Variants in WASHC5 observed in about 807,000 individuals in gnomAD.
WASHC5 encodes WASH complex subunit strumpellin.
Under a neutral mutation model 150.4 loss-of-function variants are expected in WASHC5, and 101 were observed. The observed-to-expected ratio is 0.67, with a 90% CI of 0.57 to 0.79. The LOEUF (loss-of-function observed/expected upper bound fraction) is 0.79, where lower values mean the gene tolerates loss of function less well. Among genes scored for constraint, WASHC5 ranks in the 30% least tolerant of loss-of-function variants. The pLI, the probability that WASHC5 is intolerant of heterozygous loss-of-function variation, is 0.00. For missense variants in WASHC5, 1,195 were observed against 1,396.3 expected, an observed-to-expected ratio of 0.86 and a Z score of 2.30; for synonymous variants, 467 against 491.2, an observed-to-expected ratio of 0.95 and a Z score of 0.65.
chr8:125,078,191 C>T (rs1447390394), intron 6 of WASHC5, among the ~76,000 whole-genome samples: 2 of 152,174 alleles, frequency 1.3e-5, no homozygotes, highest in Middle Eastern at 3.4e-3. Flanking sequence ...GGGAGTGGGG[C>T]GATTTTCAAA....
chr8:125,029,295 A>G (rs1563606182), intron 27 of WASHC5, among the ~76,000 whole-genome samples: 1 of 152,154 alleles, frequency 6.6e-6, no homozygotes, highest in African/African-American at 2.4e-5. Flanking sequence ...GGCCTCCCAA[A>G]GTGTTGGGAT....
At chr8:125,081,801 A>G in intron 4 of WASHC5, 40 bp from the exon 5 acceptor site, 1 of 1,162,794 alleles carries the variant, frequency 8.6e-7, no homozygotes, top group Non-Finnish European at 1.3e-6. Context: ...TCACTAGATT[A>G]TACATTCTTA....
Position 125,038,827 on chromosome 8 carries a change from C to G in WASHC5, c.3084+3G>C. 6.2e-7 allele frequency: 1 copy of G among 1,613,774 alleles called. No homozygotes were observed. Among genetic ancestry groups the G allele is most frequent in the Non-Finnish European group, 8.5e-7 (1 of 1,179,764 alleles). On this transcript the variant is annotated splice_donor_region_variant and intron_variant, in intron 25 of 28. Coordinates refer to ENST00000318410, the MANE Select transcript of WASHC5 (RefSeq NM_014846.4). ...CCCGCCATTATATATTTTAATTACT[C>G]ACCTTATTCAGTGGGTTGTGAATGC...
chr8:125,030,030 A>ATTCAGCGG (rs1360224293), intron 27 of WASHC5, among the ~76,000 whole-genome samples: 8 of 152,172 alleles, frequency 5.3e-5, no homozygotes, highest in Non-Finnish European at 1.2e-4. Context: ...AGAAAGCCTG[A>ATTCAGCGG]CTTACAGCTG....
chr8:125,031,008 G>A (rs1201490280), intron 27 of WASHC5, among the ~76,000 whole-genome samples: 1 of 152,158 alleles, frequency 6.6e-6, no homozygotes, highest in East Asian at 1.9e-4. Flanking sequence ...AAAGCTCAGC[G>A]AGTGAAACAT....
intron 20 of WASHC5, among the ~76,000 whole-genome samples, chr8:125,046,951 G>A (rs929005239): frequency 3.9e-5 from 6 of 152,198 alleles, no homozygotes; most frequent in African/African-American, 1.4e-4. Flanking sequence ...CCACTGATCT[G>A]ACAGGAAGTG....
rs111748627 is a variant in WASHC5 at position 125,044,464 on chromosome 8, C to T, written c.2667+72G>A. The T allele has an allele frequency of 3.5e-4, 529 of 1,529,394 alleles. 1 individual carries two copies. In the African/African-American group the frequency reaches 6.1e-3, roughly 18 times the overall value. The allele number at this position is 1,529,394 out of a possible 1,614,324, so 94.7% of individuals were successfully genotyped here. A position where few individuals can be genotyped will look rare whatever the true frequency, so the allele number is the denominator to read the frequency against. On this transcript the variant is annotated intron_variant, in intron 21 of 28. Coordinates refer to ENST00000318410, the MANE Select transcript of WASHC5 (RefSeq NM_014846.4). The stretch of plus-strand genomic sequence containing the variant: ...GGAAGAAAGGTTAAGTGAGTTCAAA[C>T]TGCCCACTAAAATATGTTCTTGCCT...
chr8:125,078,666 G>A (rs1422530130), intron 6 of WASHC5, 72 bp downstream of exon 6: 2 of 1,208,976 alleles, frequency 1.7e-6, no homozygotes, highest in East Asian at 2.4e-5. Flanking sequence ...GGAAGGAAAG[G>A]AGTAATTAAA....
Position 125,029,088 on chromosome 8 carries a change from G to A in WASHC5, c.3336-381C>T, listed in dbSNP as rs1350525592. ...ACTCTTGTAGCCAGGCTGGAGTGCA[G>A]TGGTATGATCTCGGCTCACTGCAAC... On this transcript the variant is annotated intron_variant, in intron 27 of 28. Coordinates refer to ENST00000318410, the MANE Select transcript of WASHC5 (RefSeq NM_014846.4). 2.7e-5 allele frequency among the ~76,000 whole-genome samples: 4 copies of A among 150,118 alleles called. No individual in the cohort carries two copies. In the East Asian group the frequency reaches 7.9e-4, roughly 29 times the overall value.
chr8:125,069,815 A>C (rs1816850063), intron 9 of WASHC5, among the ~76,000 whole-genome samples: 1 of 152,232 alleles, frequency 6.6e-6, no homozygotes, highest in Admixed American at 6.5e-5. Context: ...TTACCTAACT[A>C]AACAAAAATC....
chr8:125,055,548 A>T (rs567565636), intron 17 of WASHC5, 43 bp downstream of exon 17: 1 of 1,128,310 alleles, frequency 8.9e-7, no homozygotes, highest in Non-Finnish European at 1.4e-6. Context: ...CCAAACAGCT[A>T]AGAGTCATGG....
At chr8:125,088,445 G>A (rs577796697) in intron 1 of WASHC5, among the ~76,000 whole-genome samples, 2 of 150,188 alleles carry the variant, frequency 1.3e-5, no homozygotes, top group African/African-American at 5.0e-5. Context: ...AAGGGGGAGG[G>A]GGGGAAGGAA....
In WASHC5 at chr8:125,075,433, T is replaced by C. The variant is rs552944964; in HGVS notation, c.865-322A>G. On this transcript the variant is annotated intron_variant, in intron 7 of 28. Transcript: ENST00000318410. The stretch of plus-strand genomic sequence containing the variant: ...CTGGGATATCTTTTTTTAAAATCCC[T>C]TCATTTTCACTGTGCTAGGGTATTT... 3.9e-5 allele frequency among the ~76,000 whole-genome samples: 6 copies of C among 152,336 alleles called. No individual in the cohort carries two copies. The South Asian group carries it at 1.0e-3, about 26-fold the overall frequency.
chr8:125,038,734 C>T, intron 25 of WASHC5, 96 bp downstream of exon 25: 1 of 1,466,142 alleles, frequency 6.8e-7, no homozygotes, highest in South Asian at 1.1e-5. Context: ...GGGTCTGAAC[C>T]CAGGTTCCTC....
At chr8:125,028,791 C>G in intron 27 of WASHC5, 84 bp from the exon 28 acceptor site, 1 of 879,438 alleles carries the variant, frequency 1.1e-6, no homozygotes, top group Non-Finnish European at 1.9e-6. Context: ...ACTAAATTAC[C>G]AACAGATTAC....
intron 21 of WASHC5, 113 bp from the exon 22 acceptor site, chr8:125,044,207 C>T: frequency 1.3e-6 from 1 of 780,524 alleles, no homozygotes; most frequent in African/African-American, 1.7e-5. Context: ...TCACACAAAA[C>T]CTCTAAACAG....
intron 11 of WASHC5, among the ~76,000 whole-genome samples, chr8:125,063,043 A>T (rs528084933): frequency 1.1e-4 from 17 of 152,334 alleles, no homozygotes; most frequent in African/African-American, 3.8e-4. Context: ...ATTCGTGAAC[A>T]AGAATCAAGC....
In WASHC5 at chr8:125,039,076, G is replaced by C; in HGVS notation, c.2955-117C>G. On this transcript the variant is annotated intron_variant, in intron 24 of 28. Coordinates refer to ENST00000318410, the MANE Select transcript of WASHC5 (RefSeq NM_014846.4). ...CTCAGTTTCCTCATCTGTAAAATGA[G>C]AGCTTGATCTCGCTAATTCTCAACC... is the stretch of plus-strand genomic sequence containing the variant. 18 of 1,152,390 alleles carry C rather than the reference G, an allele frequency of 1.6e-5. No individual in the cohort carries two copies. In the South Asian group the frequency reaches 2.3e-4, roughly 15 times the overall value. The allele number at this position is 1,152,390 out of a possible 1,614,324, so 71.4% of individuals were successfully genotyped here. A position where few individuals can be genotyped will look rare whatever the true frequency, so the allele number is the denominator to read the frequency against.
At chr8:125,089,360 C>T (rs1282243786) in intron 1 of WASHC5, among the ~76,000 whole-genome samples, 1 of 152,144 alleles carries the variant, frequency 6.6e-6, no homozygotes, top group Non-Finnish European at 1.5e-5. Context: ...TTGAGCCACA[C>T]ATAAAATACA....
Sources: allele counts gnomAD v4.1 joint callset (sites outside exome capture counted in the v4.1 genomes callset), GRCh38; gene constraint gnomAD v4.1.1; transcripts MANE v1.5; gene names NCBI Gene and HGNC (gene_info 2026-07-23, HGNC 2026-07-21).